The following KASH5 variants were observed in gnomAD, a reference collection of about 807,000 sequenced individuals.
KASH5 encodes the protein KASH domain containing 5.
In KASH5, 72 loss-of-function variants were observed where a neutral mutation model predicts 84.2. The observed-to-expected ratio is 0.85, with a 90% CI of 0.71 to 1.04. KASH5 has a LOEUF of 1.04. KASH5 is among the 50% of genes least tolerant of loss of function. The pLI is 0.00. For synonymous variants in KASH5, 260 were observed against 279.1 expected, an observed-to-expected ratio of 0.93 and a Z score of 0.68; for missense variants, 650 against 701.0, an observed-to-expected ratio of 0.93 and a Z score of 0.82.
chr19:49,409,724 C>T (rs1386174214), intron 14 of KASH5, 29 bp from the exon 15 acceptor site: 6 of 1,613,532 alleles, frequency 3.7e-6, no homozygotes, highest in African/African-American at 1.3e-5. Context: ...TATGGCTCTC[C>T]CTGACCTCGG....
intron 9 of KASH5, among the ~76,000 whole-genome samples, chr19:49,404,784 G>C (rs1420390466): frequency 6.6e-6 from 1 of 152,182 alleles, no homozygotes; most frequent in African/African-American, 2.4e-5. Flanking sequence ...AGGGCAACCA[G>C]ACTTGGCATT....
At chr19:49,415,149 C>T in intron 17 of KASH5, 153 bp downstream of exon 17, 2 of 782,298 alleles carry the variant, frequency 2.6e-6, no homozygotes, top group Non-Finnish European at 4.3e-6. Context: ...AAGGCCTTTG[C>T]TGTAGCTAAT....
chr19:49,397,625 A>C (rs185923177), intron 5 of KASH5, 26 bp from the exon 6 acceptor site: 2 of 1,612,770 alleles, frequency 1.2e-6, no homozygotes, highest in African/African-American at 2.7e-5. Flanking sequence ...AGGGAAGCCA[A>C]CATTCTCTTG....
In KASH5 at chr19:49,417,485, G is replaced by A; in HGVS notation, c.1664G>A (p.Cys555Tyr). The A allele has an allele frequency of 6.5e-7, 1 of 1,548,642 alleles. No individual in the cohort carries two copies. ...PPPTWPHLQL[C>Y]YLQPPPV ...CCCACCTGGCCCCACCTCCAGCTCT[G>A]CTACCTCCAGCCCCCTCCAGTGTGA... Residue 555 changes from cysteine to tyrosine, a missense_variant, in exon 20 of 20, where the codon TGC becomes TAC. Coordinates refer to ENST00000447857, the MANE Select transcript of KASH5 (RefSeq NM_144688.5). This position sits in a 1 kb window ranked among gnomAD's most constrained non-coding sequence, Gnocchi z 5.2.
intron 15 of KASH5, among the ~76,000 whole-genome samples, chr19:49,411,965 AAGGAAG>A (rs1342025096): frequency 7.9e-4 from 113 of 142,324 alleles, no homozygotes; most frequent in Non-Finnish European, 1.1e-3. Context: ...GGAAGGAAGG[AAGGAAG>A]GAAAGAAGGA....
chr19:49,393,682 C>CGTGTATGTGTGTGTGTGT (rs1974075720), intron 2 of KASH5: 1 of 142,432 alleles, frequency 7.0e-6, no homozygotes, highest in Non-Finnish European at 1.5e-5. Flanking sequence ...GACCCCAGGA[C>CGTGTATGTGTGTGTGTGT]GTGTGTGTGT....
At chr19:49,388,762 T>C (rs908867576) in intron 1 of KASH5, among the ~76,000 whole-genome samples, 1 of 151,338 alleles carries the variant, frequency 6.6e-6, no homozygotes, top group East Asian at 1.9e-4. Context: ...GGAAATCTTA[T>C]AGTTGACCCC....
At chr19:49,396,224 T>C (rs1974171581) in intron 5 of KASH5, among the ~76,000 whole-genome samples, 1 of 149,862 alleles carries the variant, frequency 6.7e-6, no homozygotes, top group African/African-American at 2.5e-5. Context: ...CTCCACTCCT[T>C]GCTCCCCACC....
chr19:49,405,956 CAAAAAA>C (rs59895865), intron 9 of KASH5, among the ~76,000 whole-genome samples: 3 of 67,830 alleles, frequency 4.4e-5, no homozygotes, highest in African/African-American at 1.7e-4. Context: ...AACTCCGTCT[CAAAAAA>C]AAAAAAAAAA....
rs79229997 is a variant in KASH5, at chr19:49,394,552, G to A, written c.120G>A (p.Thr40=). 7.7e-3 allele frequency: 12,386 copies of A among 1,613,656 alleles called. 819 individuals carry two copies. In the African/African-American group the frequency reaches 0.15, roughly 19 times the overall value. Residue 40 remains threonine (T), a synonymous_variant, in exon 3 of 20, where the codon ACG becomes ACA. Transcript: ENST00000447857. ...VSLEEQILNS[T]FEACDPQRTG... ...TGGAGGAGCAAATACTCAACTCCAC[G>A]TTCGAAGCTTGTGACCCTCAGAGGA...
At chr19:49,400,225 C>CAA (rs34052696) in intron 9 of KASH5, among the ~76,000 whole-genome samples, 1,136 of 80,222 alleles carry the variant, frequency 0.014, 25 homozygotes, top group African/African-American at 0.033. Flanking sequence ...GAGAGCCTCT[C>CAA]AAAAAAAAAA....
intron 12 of KASH5, chr19:49,408,157 A>T: frequency 1.2e-5 from 2 of 170,606 alleles, no homozygotes; most frequent in Admixed American, 5.8e-5. Context: ...CTCGTAATCC[A>T]CCCCTCTTGG....
At chr19:49,394,448 G>A (rs1227946855) in intron 2 of KASH5, 28 bp from the exon 3 acceptor site, 7 of 1,576,112 alleles carry the variant, frequency 4.4e-6, no homozygotes, top group Non-Finnish European at 6.1e-6. Flanking sequence ...TCTTCCCACT[G>A]GTGAGCTGAG....
rs773492848 is a variant in KASH5 at position 49,394,525 on chromosome 19, C to T, written c.93C>T (p.Ser31=). Residue 31 remains serine (S), a synonymous_variant, in exon 3 of 20, where the codon AGC becomes AGT. Transcript: ENST00000447857. ...PEEARLGMPV[S]LEEQILNSTF... The stretch of plus-strand genomic sequence containing the variant: ...AGGCAAGGCTGGGAATGCCGGTCAG[C>T]TTGGAGGAGCAAATACTCAACTCCA... 6.2e-7 allele frequency: 1 copy of T among 1,613,826 alleles called. No homozygotes were observed. The highest frequency in any genetic ancestry group is 8.5e-7 in the Non-Finnish European group (1 of 1,179,876).
At chr19:49,409,660 T>C in intron 14 of KASH5, 93 bp from the exon 15 acceptor site, 1 of 1,526,302 alleles carries the variant, frequency 6.6e-7, no homozygotes, top group Non-Finnish European at 9.0e-7. Context: ...CTCATCCTAT[T>C]TTCAGCCGCA....
At chr19:49,394,426 T>C in intron 2 of KASH5, 50 bp from the exon 3 acceptor site, 1 of 1,483,012 alleles carries the variant, frequency 6.7e-7, no homozygotes, top group African/African-American at 1.4e-5. Flanking sequence ...GTCACCCCTC[T>C]TCCTTCCTTA....
intron 7 of KASH5, among the ~76,000 whole-genome samples, chr19:49,398,394 G>A (rs1456932905): frequency 6.8e-5 from 10 of 147,382 alleles, no homozygotes; most frequent in Non-Finnish European, 5.9e-5. Context: ...TTTGAGACAG[G>A]TTCTCACTCT....
Position 49,414,001 on chromosome 19 carries a change from A to G in KASH5, c.1329-950A>G, listed in dbSNP as rs1453895869. ...CTGCAGGGCTGGATCTCTGGTCCCC[A>G]GTGAAGGCAGTGGCTGGTGGTATGG... is the stretch of plus-strand genomic sequence containing the variant. On this transcript the variant is annotated intron_variant, in intron 16 of 19. Transcript: ENST00000447857. This position sits in a 1 kb window ranked among gnomAD's most constrained non-coding sequence, Gnocchi z 4.5. Among the ~76,000 whole-genome samples the G allele has an allele frequency of 1.3e-5, 2 of 151,952 alleles. No homozygotes were observed. Among genetic ancestry groups the G allele is most frequent in the African/African-American group, 4.8e-5 (2 of 41,344 alleles).
In KASH5 at chr19:49,409,000, C is replaced by A; in HGVS notation, c.1027C>A (p.Gln343Lys). ...GCTGGAGATTTCACGCCTGGAGGAGCAGCTGAGTCAGACCTATGAGGGGCC... is the reference window on the plus strand; with the variant it reads ...GCTGGAGATTTCACGCCTGGAGGAGAAGCTGAGTCAGACCTATGAGGGGCC... ...LRLEISRLEE[Q>K]LSQTYEGPDE... Residue 343 changes from glutamine to lysine, a missense_variant, in exon 13 of 20, where the codon CAG becomes AAG. Coordinates refer to ENST00000447857, the MANE Select transcript of KASH5 (RefSeq NM_144688.5). 1 of 1,592,802 alleles carries A rather than the reference C, an allele frequency of 6.3e-7. No homozygotes were observed. Among genetic ancestry groups the A allele is most frequent in the Non-Finnish European group, 8.5e-7 (1 of 1,169,824 alleles).
Sources: gnomAD v4.1 joint callset for allele counts (sites outside exome capture counted in the v4.1 genomes callset) on GRCh38, gnomAD v4.1.1 for gene constraint, Gnocchi (gnomAD v3.1) non-coding constraint, MANE v1.5 for transcripts, NCBI Gene and HGNC (gene_info 2026-07-23, HGNC 2026-07-21) for gene names.